The following ADAM20 variants were observed in gnomAD, a reference collection of about 807,000 sequenced individuals.
ADAM20 encodes the protein disintegrin and metalloproteinase domain-containing protein 20.
For synonymous variants in ADAM20, 305 were observed against 310.2 expected (o/e 0.98, Z 0.18); for missense variants, 871 against 883.2 (o/e 0.99, Z 0.18).
rs1237721683 is a variant in ADAM20 at position 70,523,598 on chromosome 14, C to T, written c.1160G>A (p.Ser387Asn). Residue 387 changes from serine (S) to asparagine (N), a missense_variant, in exon 2 of 2, where the codon AGT becomes AAT. Transcript: ENST00000256389. ...SNCSYAQYWD[S>N]TISSGLCIQP... Reference sequence around the variant, plus strand: ...AATACATAATCCACTACTGATAGTACTGTCCCAATATTGGGCATAACTGCA... The same window carrying T: ...AATACATAATCCACTACTGATAGTATTGTCCCAATATTGGGCATAACTGCA... The T allele has an allele frequency of 8.7e-6, 14 of 1,613,966 alleles. No homozygotes were observed. The highest frequency in any genetic ancestry group is 2.7e-5 in the African/African-American group (2 of 74,908).
the ADAM20 span, among the ~76,000 whole-genome samples, chr14:70,574,259 G>A: frequency 1.3e-5 from 2 of 152,168 alleles, no homozygotes; most frequent in Non-Finnish European, 2.9e-5. Context: ...AATTTTAAAT[G>A]TCTTGAGACA....
chr14:70,577,696 C>G, the ADAM20 span, among the ~76,000 whole-genome samples: 1 of 152,304 alleles, frequency 6.6e-6, no homozygotes, highest in Non-Finnish European at 1.5e-5. Flanking sequence ...GGTATACAGA[C>G]AGACGTATGG....
At chr14:70,534,753 T>C (rs575432184) in intron 1 of ADAM20, 44 bp downstream of exon 1, 1 of 152,340 alleles carries the variant, frequency 6.6e-6, no homozygotes, top group East Asian at 1.9e-4. Flanking sequence ...TACAATAATG[T>C]GCATATAGTT....
At chr14:70,565,698 T>C in the ADAM20 span, among the ~76,000 whole-genome samples, 1 of 152,212 alleles carries the variant, frequency 6.6e-6, no homozygotes, top group Non-Finnish European at 1.5e-5. Context: ...AATTAAAAAT[T>C]TAAATAAAAA....
chr14:70,539,266 G>A (rs981597683), upstream of ADAM20, among the ~76,000 whole-genome samples: 1 of 151,858 alleles, frequency 6.6e-6, no homozygotes, highest in Non-Finnish European at 1.5e-5. Context: ...ACAATGCCAG[G>A]TTGGTCTGCC....
chr14:70,546,715 T>C, the ADAM20 span, among the ~76,000 whole-genome samples: 1 of 151,984 alleles, frequency 6.6e-6, no homozygotes, highest in Admixed American at 6.6e-5. Flanking sequence ...AAGGAAAATC[T>C]TCAAATAAAC....
the ADAM20 span, among the ~76,000 whole-genome samples, chr14:70,563,775 G>A: frequency 5.3e-5 from 8 of 152,120 alleles, no homozygotes; most frequent in South Asian, 4.2e-4. Context: ...CTTTACCTTC[G>A]CCATTAGTAA....
Position 70,523,486 on chromosome 14 carries a change from T to C in ADAM20, c.1272A>G (p.Gly424=), listed in dbSNP as rs1883504277. The C allele has an allele frequency of 6.2e-7, 1 of 1,613,988 alleles. No homozygotes were observed. The highest frequency in any genetic ancestry group is 1.1e-5 in the South Asian group (1 of 91,086). Residue 424 remains glycine (G), a synonymous_variant, in exon 2 of 2, where the codon GGA becomes GGG. Transcript: ENST00000256389. ...VVEEGEECDC[G]TIRQCAKDPC... ...GATCTTTTGCACACTGCCGTATGGTTCCACAGTCACATTCCTCCCCTTCTT... is the reference window on the plus strand; with the variant it reads ...GATCTTTTGCACACTGCCGTATGGTCCCACAGTCACATTCCTCCCCTTCTT...
the ADAM20 span, among the ~76,000 whole-genome samples, chr14:70,578,259 G>T: frequency 6.6e-6 from 1 of 152,120 alleles, no homozygotes; most frequent in African/African-American, 2.4e-5. Flanking sequence ...ACCCTATTCA[G>T]TAAGTGGTGC....
chr14:70,571,950 C>A, the ADAM20 span, among the ~76,000 whole-genome samples: 1 of 152,098 alleles, frequency 6.6e-6, no homozygotes, highest in African/African-American at 2.4e-5. Context: ...ACAAGGAGAA[C>A]TACAAAACAC....
At chr14:70,553,445 C>A in the ADAM20 span, among the ~76,000 whole-genome samples, 3,894 of 146,524 alleles carry the variant, frequency 0.027, 72 homozygotes, top group Middle Eastern at 0.06. Context: ...CCAGTATTAC[C>A]CAGATACCAA....
the ADAM20 span, among the ~76,000 whole-genome samples, chr14:70,565,870 G>C: frequency 1.3e-5 from 2 of 151,918 alleles, no homozygotes; most frequent in Non-Finnish European, 1.5e-5. Context: ...TGTATTATCT[G>C]TGGAGTTTCC....
the ADAM20 span, among the ~76,000 whole-genome samples, chr14:70,569,885 C>CAAAAAAAAAAAAAAAAAAAA: frequency 2.6e-5 from 2 of 76,152 alleles, no homozygotes; most frequent in Non-Finnish European, 5.4e-5. Flanking sequence ...AGAAAACTAA[C>CAAAAAAAAAAAAAAAAAAAA]AAAAAAAAAA....
chr14:70,575,423 G>A, the ADAM20 span, among the ~76,000 whole-genome samples: 1 of 151,972 alleles, frequency 6.6e-6, no homozygotes, highest in African/African-American at 2.4e-5. Context: ...CCAATATGGT[G>A]AAACCCTGTG....
Position 70,523,199 on chromosome 14 carries a change from C to CTG in ADAM20, c.1558_1559insCA (p.Gly520AlafsTer29). ...CTGAGATGCACTCCTTGCATCTTGGCCAAAAATCTCTTTACATTGTATATC... is the reference window on the plus strand; with the variant it reads ...CTGAGATGCACTCCTTGCATCTTGGCTGCAAAAATCTCTTTACATTGTATATC... On this transcript the variant is annotated frameshift_variant, in exon 2 of 2. Coordinates refer to ENST00000256389, the MANE Select transcript of ADAM20 (RefSeq NM_003814.5). LOFTEE classifies it low-confidence loss of function (END_TRUNC). The CTG allele has an allele frequency of 6.2e-7, 1 of 1,613,948 alleles. No individual in the cohort carries two copies. Among genetic ancestry groups the CTG allele is most frequent in the Non-Finnish European group, 8.5e-7 (1 of 1,179,922 alleles).
chr14:70,558,564 C>A, the ADAM20 span, among the ~76,000 whole-genome samples: 1 of 152,114 alleles, frequency 6.6e-6, no homozygotes, highest in African/African-American at 2.4e-5. Context: ...GCTCATTGTC[C>A]AGCTGGGAGA....
At chr14:70,563,708 G>GCC in the ADAM20 span, among the ~76,000 whole-genome samples, 5 of 151,976 alleles carry the variant, frequency 3.3e-5, no homozygotes, top group African/African-American at 7.3e-5. Context: ...TGTGGCACCT[G>GCC]CCCCCCTCCA....
chr14:70,554,463 G>A, the ADAM20 span, among the ~76,000 whole-genome samples: 2 of 152,122 alleles, frequency 1.3e-5, no homozygotes, highest in Non-Finnish European at 2.9e-5. Context: ...TATTCACATA[G>A]CTAAGATATG....
the ADAM20 span, among the ~76,000 whole-genome samples, chr14:70,574,639 CAA>C: frequency 1.6e-5 from 2 of 126,522 alleles, no homozygotes; most frequent in African/African-American, 2.9e-5. Flanking sequence ...GACTCCGTCT[CAA>C]AAAAAAAAAG....
Sources: gnomAD v4.1 joint callset for allele counts (sites outside exome capture counted in the v4.1 genomes callset) on GRCh38, gnomAD v4.1.1 for gene constraint, MANE v1.5 for transcripts, NCBI Gene and HGNC (gene_info 2026-07-23, HGNC 2026-07-21) for gene names.